RPS6KC1: variants seen among roughly 807,000 people sequenced by gnomAD.
RPS6KC1 encodes the protein ribosomal protein S6 kinase C1, also known as inactive ribosomal protein S6 kinase delta-1.
Under a neutral mutation model 103.8 loss-of-function variants are expected in RPS6KC1, and 54 were observed. The observed-to-expected ratio is 0.52, with a 90% CI of 0.42 to 0.65. The LOEUF (loss-of-function observed/expected upper bound fraction) is 0.65. Ranked by LOEUF, RPS6KC1 falls within the 30% of genes least tolerant of loss-of-function variation. The pLI is 0.00. For synonymous variants in RPS6KC1, 439 were observed against 438.7 expected (o/e 1.00, Z -0.01); for missense variants, 1,151 against 1,253.8 (o/e 0.92, Z 1.24).
chr1:213,695,069 TG>T, the RPS6KC1 span, among the ~76,000 whole-genome samples: 322 of 152,296 alleles, frequency 2.1e-3, 2 homozygotes, highest in Middle Eastern at 0.01. Flanking sequence ...GTACGTTCCG[TG>T]AAGCCCAGGT....
chr1:213,379,407 A>G, the RPS6KC1 span, among the ~76,000 whole-genome samples: 1 of 152,294 alleles, frequency 6.6e-6, no homozygotes, highest in Admixed American at 6.5e-5. Flanking sequence ...GTGAAGATGA[A>G]AGCAGAGATT....
chr1:213,828,687 AC>A, the RPS6KC1 span, among the ~76,000 whole-genome samples: 10 of 152,136 alleles, frequency 6.6e-5, no homozygotes, highest in Non-Finnish European at 1.3e-4. Context: ...GTCTGGCCCA[AC>A]CCCTCACACT....
chr1:213,113,530 G>A (rs1265528914), intron 4 of RPS6KC1, among the ~76,000 whole-genome samples: 5,271 of 150,440 alleles, frequency 0.035, 271 homozygotes, highest in African/African-American at 0.12. Flanking sequence ...TCTGATGGTA[G>A]TTTCTTTTGC....
At chr1:213,536,841 C>T in the RPS6KC1 span, among the ~76,000 whole-genome samples, 1 of 152,116 alleles carries the variant, frequency 6.6e-6, no homozygotes, top group Admixed American at 6.5e-5. Context: ...CCAGAGCCAG[C>T]GAAGGAGACA....
At chr1:213,260,055 T>G (rs1478000813) in intron 12 of RPS6KC1, among the ~76,000 whole-genome samples, 1 of 152,220 alleles carries the variant, frequency 6.6e-6, no homozygotes, top group Non-Finnish European at 1.5e-5. Context: ...AAAATGGTTA[T>G]GTAGTAGTAA....
chr1:213,783,815 C>CAAAAAAAAAAAAAAAAAAA, the RPS6KC1 span, among the ~76,000 whole-genome samples: 1 of 65,992 alleles, frequency 1.5e-5, no homozygotes, highest in African/African-American at 3.7e-5. Flanking sequence ...AAGATGTTGC[C>CAAAAAAAAAAAAAAAAAAA]AAAAAAAAAA....
chr1:213,057,282 G>A (rs139610725), intron 1 of RPS6KC1, among the ~76,000 whole-genome samples: 13 of 152,238 alleles, frequency 8.5e-5, no homozygotes, highest in African/African-American at 1.2e-4. Context: ...GCCTAGCACA[G>A]AGCTTGGACT....
At chr1:213,362,635 G>A in the RPS6KC1 span, among the ~76,000 whole-genome samples, 1 of 152,156 alleles carries the variant, frequency 6.6e-6, no homozygotes, top group Non-Finnish European at 1.5e-5. Context: ...AGTCCTGGGG[G>A]CACAACTGGC....
At chr1:213,476,960 A>C in the RPS6KC1 span, among the ~76,000 whole-genome samples, 1 of 152,208 alleles carries the variant, frequency 6.6e-6, no homozygotes. Context: ...ATTCAACTCC[A>C]TTTCTTATTC....
the RPS6KC1 span, among the ~76,000 whole-genome samples, chr1:213,826,366 C>A: frequency 2.0e-5 from 3 of 152,236 alleles, no homozygotes; most frequent in Admixed American, 1.3e-4. Flanking sequence ...TGGTGCCCTG[C>A]AAATGTGCAT....
the RPS6KC1 span, among the ~76,000 whole-genome samples, chr1:213,813,385 G>A: frequency 6.6e-6 from 1 of 151,820 alleles, no homozygotes; most frequent in Non-Finnish European, 1.5e-5. Flanking sequence ...AGCCCAGCCT[G>A]TTCCATGTTG....
the RPS6KC1 span, among the ~76,000 whole-genome samples, chr1:213,343,044 T>C: frequency 6.6e-6 from 1 of 151,970 alleles, no homozygotes; most frequent in African/African-American, 2.4e-5. Flanking sequence ...TCAAAAAAAA[T>C]TTTTTTGTAG....
the RPS6KC1 span, among the ~76,000 whole-genome samples, chr1:213,709,539 G>A: frequency 6.7e-6 from 1 of 150,342 alleles, no homozygotes; most frequent in Admixed American, 6.7e-5. Context: ...GGTTTTTTGT[G>A]CCTCTGTCTC....
chr1:213,315,604 T>G, the RPS6KC1 span, among the ~76,000 whole-genome samples: 1 of 152,244 alleles, frequency 6.6e-6, no homozygotes, highest in Non-Finnish European at 1.5e-5. Context: ...CTTTAATATT[T>G]GATATCAGCA....
the RPS6KC1 span, among the ~76,000 whole-genome samples, chr1:213,615,861 A>T: frequency 6.6e-6 from 1 of 152,218 alleles, no homozygotes; most frequent in Non-Finnish European, 1.5e-5. Context: ...CCAATTCCCT[A>T]CAAGGGGTGG....
the RPS6KC1 span, among the ~76,000 whole-genome samples, chr1:213,373,042 G>A: frequency 6.6e-6 from 1 of 152,318 alleles, no homozygotes; most frequent in East Asian, 1.9e-4. Flanking sequence ...TCCTTTGCCA[G>A]TGTGAAGTGC....
chr1:213,195,844 G>GTGTATA (rs755729064), intron 8 of RPS6KC1, among the ~76,000 whole-genome samples: 2 of 150,746 alleles, frequency 1.3e-5, no homozygotes, highest in Non-Finnish European at 2.9e-5. Flanking sequence ...GTGTGTGTGT[G>GTGTATA]TGTATATATA....
At chr1:213,662,203 A>C in the RPS6KC1 span, among the ~76,000 whole-genome samples, 1 of 138,544 alleles carries the variant, frequency 7.2e-6, no homozygotes, top group Non-Finnish European at 1.6e-5. Context: ...GATAGCTCTC[A>C]GGTGCTTAGC....
At chr1:213,064,424 A>G (rs1422352978) in intron 1 of RPS6KC1, among the ~76,000 whole-genome samples, 3 of 150,514 alleles carry the variant, frequency 2.0e-5, no homozygotes, top group African/African-American at 7.3e-5. Flanking sequence ...CTGGAGTACA[A>G]TGGCGCAATC....
Sources: gnomAD v4.1 joint callset for allele counts (sites outside exome capture counted in the v4.1 genomes callset) on GRCh38, gnomAD v4.1.1 for gene constraint, MANE v1.5 for transcripts, NCBI Gene and HGNC (gene_info 2026-07-23, HGNC 2026-07-21) for gene names.